The following FNBP1L variants were observed in gnomAD, a reference collection of about 807,000 sequenced individuals.
FNBP1L encodes formin-binding protein 1-like.
In FNBP1L, 36 loss-of-function variants were observed where a neutral mutation model predicts 91.2. The ratio of observed to expected loss-of-function variants is 0.39; its 90% CI spans 0.30 to 0.52. FNBP1L has a LOEUF of 0.52. FNBP1L is among the 20% of genes least tolerant of loss of function. The pLI is 0.66. For missense variants in FNBP1L, 571 were observed against 732.1 expected, an observed-to-expected ratio of 0.78 and a Z score of 2.54; for synonymous variants, 242 against 237.0, an observed-to-expected ratio of 1.02 and a Z score of -0.19.
Position 93,464,774 on chromosome 1 carries a change from T to C in FNBP1L, c.24+16469T>C, listed in dbSNP as rs189499087. Among the ~76,000 whole-genome samples, 607 of 152,348 alleles carry C rather than the reference T, an allele frequency of 4.0e-3. 1 individual carries two copies. The highest frequency in any genetic ancestry group is 6.8e-3 in the Middle Eastern group (2 of 294). On this transcript the variant is annotated intron_variant, in intron 1 of 16. Transcript: ENST00000271234. ...TTGATGTTATTGCTGTCATTCAAGA[T>C]GTGAGCTATTTACTTGTGGGTTTAG...
At chr1:93,490,983 C>G (rs1490666427) in intron 1 of FNBP1L, among the ~76,000 whole-genome samples, 1 of 152,188 alleles carries the variant, frequency 6.6e-6, no homozygotes, top group Non-Finnish European at 1.5e-5. Context: ...TACTGTCACC[C>G]AGGCTGGAGT....
At chr1:93,478,160 C>G (rs1669560648) in intron 1 of FNBP1L, among the ~76,000 whole-genome samples, 1 of 152,204 alleles carries the variant, frequency 6.6e-6, no homozygotes, top group East Asian at 1.9e-4. Flanking sequence ...TTTCCCTTCT[C>G]TCTTTTACCC....
chr1:93,551,876 T>G (rs1219480777), intron 16 of FNBP1L: 1 of 985,330 alleles, frequency 1.0e-6, no homozygotes, highest in Non-Finnish European at 1.2e-6. Context: ...CTTGAAAATA[T>G]CTTTTGGGAA....
Position 93,549,386 on chromosome 1 carries a change from G to A in FNBP1L, c.1611G>A (p.Leu537=). 1.9e-6 allele frequency: 3 copies of A among 1,611,994 alleles called. No homozygotes were observed. Among genetic ancestry groups the A allele is most frequent in the Non-Finnish European group, 2.5e-6 (3 of 1,179,152 alleles). ...FDDEFEDDDP[L]PAIGHCKAIY... ...ATGAATTTGAGGATGATGATCCCTT[G>A]CCTGCTATTGGACACTGCAAAGCTA... Residue 537 remains leucine, a synonymous_variant, in exon 15 of 17, where the codon TTG becomes TTA. Transcript: ENST00000271234.
intron 6 of FNBP1L, 31 bp downstream of exon 6, chr1:93,529,787 C>A: frequency 1.6e-6 from 2 of 1,255,184 alleles, no homozygotes; most frequent in South Asian, 1.5e-5. Context: ...ACTTTAATGT[C>A]AAAATATTAT....
Position 93,552,735 on chromosome 1 carries a change from A to G in FNBP1L, c.*319A>G, listed in dbSNP as rs548204283. Reference sequence around the variant, plus strand: ...AGAGCTGTCAAAAAATGTGTCTTACATTAGCTGTCCCAACAGGATTGTCTT... The same window carrying G: ...AGAGCTGTCAAAAAATGTGTCTTACGTTAGCTGTCCCAACAGGATTGTCTT... On this transcript the variant is annotated 3_prime_UTR_variant, in exon 17 of 17. Transcript: ENST00000271234. 201 of 259,394 alleles carry G rather than the reference A, an allele frequency of 7.7e-4. 1 individual carries two copies. The highest frequency in any genetic ancestry group is 5.7e-3 in the Middle Eastern group (5 of 870). 16.1% of individuals were successfully genotyped at this position (259,394 alleles called of 1,614,324 possible). A position where few individuals can be genotyped will look rare whatever the true frequency, so the allele number is the denominator to read the frequency against.
intron 1 of FNBP1L, among the ~76,000 whole-genome samples, chr1:93,494,190 C>G (rs899475985): frequency 5.3e-5 from 8 of 152,190 alleles, no homozygotes; most frequent in Non-Finnish European, 8.8e-5. Flanking sequence ...CAGGGAAACA[C>G]TTCATTTACT....
intron 14 of FNBP1L, among the ~76,000 whole-genome samples, chr1:93,548,486 A>G (rs1672310135): frequency 6.6e-6 from 1 of 152,118 alleles, no homozygotes; most frequent in South Asian, 2.1e-4. Flanking sequence ...TTAGTTGGAA[A>G]TTTACTTTAC....
intron 1 of FNBP1L, among the ~76,000 whole-genome samples, chr1:93,474,492 A>G (rs1361312395): frequency 1.3e-5 from 2 of 152,228 alleles, no homozygotes; most frequent in Non-Finnish European, 2.9e-5. Flanking sequence ...GCAAATTACT[A>G]CAAGTGTGAT....
intron 1 of FNBP1L, among the ~76,000 whole-genome samples, chr1:93,470,296 A>C (rs1669240814): frequency 6.6e-6 from 1 of 151,988 alleles, no homozygotes; most frequent in East Asian, 1.9e-4. Context: ...AAGCCCAGCT[A>C]ATTTTTTTGT....
rs530453809 is a variant in FNBP1L at position 93,546,952 on chromosome 1, G to A, written c.1385G>A (p.Arg462Gln). The A allele has an allele frequency of 4.0e-5, 65 of 1,611,970 alleles. 1 individual carries two copies. The highest frequency in any genetic ancestry group is 3.5e-4 in the South Asian group (32 of 90,498). Residue 462 changes from arginine (R) to glutamine (Q), a missense_variant, in exon 13 of 17, where the codon CGA becomes CAA. Arg to Gln is a conservative substitution (Grantham distance 43). This residue lies in a region of FNBP1L where 189 missense variants were observed against 219.7 expected (regional missense o/e 0.86). Transcript: ENST00000271234. ...ACCATGAATAACATTGACCGCCTAC[G>A]AATGGAAATCCATAAGAATGAGGTA... ...AETMNNIDRL[R>Q]MEIHKNEAWL...
intron 1 of FNBP1L, among the ~76,000 whole-genome samples, chr1:93,461,633 AC>A (rs1668869194): frequency 6.6e-6 from 1 of 152,204 alleles, no homozygotes; most frequent in Admixed American, 6.5e-5. Context: ...CCTACAAAAA[AC>A]ATCTCCCTTA....
chr1:93,490,426 A>C (rs1207559446), intron 1 of FNBP1L, among the ~76,000 whole-genome samples: 1 of 152,236 alleles, frequency 6.6e-6, no homozygotes. Context: ...CAAAGGAAAC[A>C]GAAAATGAGC....
intron 1 of FNBP1L, among the ~76,000 whole-genome samples, chr1:93,449,955 A>G (rs996423597): frequency 6.6e-6 from 1 of 152,136 alleles, no homozygotes; most frequent in Non-Finnish European, 1.5e-5. Flanking sequence ...ATAATTACAA[A>G]ATATTTTAAC....
chr1:93,475,969 G>T (rs1463740439), intron 1 of FNBP1L, among the ~76,000 whole-genome samples: 1 of 151,864 alleles, frequency 6.6e-6, no homozygotes, highest in Non-Finnish European at 1.5e-5. Flanking sequence ...ACTCAATTTT[G>T]TTTTTTTAAT....
intron 1 of FNBP1L, among the ~76,000 whole-genome samples, chr1:93,474,101 G>A (rs757652819): frequency 4.6e-5 from 7 of 152,078 alleles, no homozygotes; most frequent in Admixed American, 2.0e-4. Context: ...AAAAATTAGC[G>A]GGTGTGGTGG....
Position 93,544,129 on chromosome 1 carries a change from G to A in FNBP1L, c.1187G>A (p.Ser396Asn). 8 of 1,609,120 alleles carry A rather than the reference G, an allele frequency of 5.0e-6. No individual in the cohort carries two copies. The highest frequency in any genetic ancestry group is 6.8e-6 in the Non-Finnish European group (8 of 1,177,132). ...VKMGPALEDF[S>N]HLPPEQRRKK... Reference sequence around the variant, plus strand: ...CAGGGCCCAGCACTAGAAGATTTCAGTCATCTGCCACCAGAACAGAGACGT... The same window carrying A: ...CAGGGCCCAGCACTAGAAGATTTCAATCATCTGCCACCAGAACAGAGACGT... Residue 396 changes from serine (S) to asparagine (N), a missense_variant, in exon 12 of 17, where the codon AGT (serine) becomes AAT (asparagine). Physicochemically the swap from Ser to Asn is conservative, Grantham distance 46. Around this residue, in one of 5 missense-constraint regions of FNBP1L, gnomAD observed 150 missense variants for 155.9 expected, o/e 0.96. Coordinates refer to ENST00000271234, the MANE Select transcript of FNBP1L (RefSeq NM_001164473.3).
chr1:93,532,421 C>A (rs571449723), intron 7 of FNBP1L, among the ~76,000 whole-genome samples: 1 of 145,232 alleles, frequency 6.9e-6, no homozygotes, highest in South Asian at 2.3e-4. Flanking sequence ...GAGCCGAGAT[C>A]GCGCAACTGC....
intron 1 of FNBP1L, among the ~76,000 whole-genome samples, chr1:93,482,220 CA>C (rs1669732673): frequency 6.6e-6 from 1 of 151,932 alleles, no homozygotes; most frequent in Admixed American, 6.6e-5. Flanking sequence ...AAGCACAACC[CA>C]AAAAATTTTT....
Sources: allele counts gnomAD v4.1 joint callset (sites outside exome capture counted in the v4.1 genomes callset), GRCh38; gene constraint gnomAD v4.1.1; regional missense constraint gnomAD v4.1.1; transcripts MANE v1.5; gene names NCBI Gene and HGNC (gene_info 2026-07-23, HGNC 2026-07-21).